Variants in FAM219A observed in about 807,000 individuals in gnomAD.
FAM219A encodes the protein family with sequence similarity 219 member A.
A neutral mutation model predicts 23.4 loss-of-function variants in FAM219A; 7 were observed. That is an observed-to-expected ratio of 0.30 (90% confidence interval 0.17 to 0.56). The LOEUF (loss-of-function observed/expected upper bound fraction) is 0.56. Ranked by LOEUF, FAM219A falls within the 20% of genes least tolerant of loss-of-function variation. The pLI, the probability that FAM219A is intolerant of heterozygous loss-of-function variation, is 0.92. For synonymous variants in FAM219A, 93 were observed against 99.0 expected (o/e 0.94, Z 0.36); for missense variants, 166 against 246.9 (o/e 0.67, Z 2.20).
chr9:34,428,554 G>C (rs909370830), intron 1 of FAM219A, among the ~76,000 whole-genome samples: 1 of 152,180 alleles, frequency 6.6e-6, no homozygotes, highest in African/African-American at 2.4e-5. Context: ...GCCCTCCCCT[G>C]AGTCCTGCAC....
At chr9:34,456,013 C>A (rs1034819315) in intron 1 of FAM219A, among the ~76,000 whole-genome samples, 1 of 152,008 alleles carries the variant, frequency 6.6e-6, no homozygotes, top group South Asian at 2.1e-4. Context: ...GCCAACATGG[C>A]GAAACCCTGT....
At chr9:34,414,480 TAACA>T (rs1177070984) in intron 1 of FAM219A, among the ~76,000 whole-genome samples, 3 of 152,258 alleles carry the variant, frequency 2.0e-5, no homozygotes, top group African/African-American at 7.2e-5. Context: ...TATACCTATG[TAACA>T]AACCTGCACG....
Position 34,425,577 on chromosome 9 carries a change from G to A in FAM219A, c.61-19613C>T, listed in dbSNP as rs148159253. Among the ~76,000 whole-genome samples the A allele has an allele frequency of 7.4e-3, 1,134 of 152,352 alleles. 4 individuals carry two copies. The highest frequency in any genetic ancestry group is 0.012 in the Non-Finnish European group (847 of 68,042). On this transcript the variant is annotated intron_variant, in intron 1 of 5. Coordinates refer to ENST00000651358, the MANE Select transcript of FAM219A (RefSeq NM_001184940.2). ...CAGTAATGTAGTCAGTAACCTGCAT[G>A]CCTCCACTGTGCTTGGAGAAGTTGA...
At chr9:34,452,959 T>A (rs1036454269) in intron 1 of FAM219A, among the ~76,000 whole-genome samples, 3 of 152,198 alleles carry the variant, frequency 2.0e-5, no homozygotes, top group Non-Finnish European at 4.4e-5. Flanking sequence ...AATTCTGTGC[T>A]ATTGAGCCCA....
intron 1 of FAM219A, among the ~76,000 whole-genome samples, chr9:34,430,422 G>C (rs1482768400): frequency 6.6e-6 from 1 of 151,768 alleles, no homozygotes; most frequent in Admixed American, 6.6e-5. Flanking sequence ...CGGATCACAA[G>C]GTCAGGAGAC....
intron 1 of FAM219A, among the ~76,000 whole-genome samples, chr9:34,439,681 G>A (rs182884576): frequency 2.0e-5 from 3 of 151,976 alleles, no homozygotes; most frequent in Non-Finnish European, 4.4e-5. Context: ...AACATTATGC[G>A]CAAAGGCCCT....
chr9:34,419,411 G>A (rs1822169794), intron 1 of FAM219A, among the ~76,000 whole-genome samples: 1 of 152,166 alleles, frequency 6.6e-6, no homozygotes, highest in South Asian at 2.1e-4. Context: ...CCAGAGGACA[G>A]GAAGATGGCA....
At chr9:34,418,200 TA>T (rs536041489) in intron 1 of FAM219A, among the ~76,000 whole-genome samples, 1,635 of 126,558 alleles carry the variant, frequency 0.013, 10 homozygotes, top group African/African-American at 0.026. Context: ...AGTGAGATGG[TA>T]AAAAAAAAAA....
chr9:34,420,125 C>T (rs1409926160), intron 1 of FAM219A, among the ~76,000 whole-genome samples: 1 of 152,128 alleles, frequency 6.6e-6, no homozygotes, highest in Non-Finnish European at 1.5e-5. Flanking sequence ...CTTTGATAAT[C>T]ACTGAACCCC....
chr9:34,431,796 G>GA (rs1192244056), intron 1 of FAM219A, among the ~76,000 whole-genome samples: 1 of 152,114 alleles, frequency 6.6e-6, no homozygotes, highest in Non-Finnish European at 1.5e-5. Flanking sequence ...AAAGAAAAAG[G>GA]AAAAAAATAA....
At chr9:34,408,015 A>G (rs1325312689) in intron 1 of FAM219A, among the ~76,000 whole-genome samples, 1 of 152,228 alleles carries the variant, frequency 6.6e-6, no homozygotes, top group Non-Finnish European at 1.5e-5. Flanking sequence ...CCTTCAGGCC[A>G]TCCAGAGCAC....
intron 1 of FAM219A, 142 bp from the exon 2 acceptor site, chr9:34,406,106 G>A (rs563447594): frequency 1.6e-3 from 1,527 of 949,948 alleles, no homozygotes; most frequent in Non-Finnish European, 2.1e-3. Context: ...CATTCAGGGA[G>A]AGAGGGGCAG....
intron 1 of FAM219A, among the ~76,000 whole-genome samples, chr9:34,424,872 G>A (rs1822400276): frequency 6.6e-6 from 1 of 152,076 alleles, no homozygotes; most frequent in African/African-American, 2.4e-5. Context: ...GCAATGGCAC[G>A]ACCTCAGGTC....
At chr9:34,423,872 C>T (rs1433883959) in intron 1 of FAM219A, among the ~76,000 whole-genome samples, 1 of 152,124 alleles carries the variant, frequency 6.6e-6, no homozygotes, top group Admixed American at 6.6e-5. Context: ...GGATGACTCC[C>T]AGGTTTCCTC....
At chr9:34,448,630 G>T (rs1331095103) in intron 1 of FAM219A, among the ~76,000 whole-genome samples, 1 of 152,166 alleles carries the variant, frequency 6.6e-6, no homozygotes, top group East Asian at 1.9e-4. Context: ...TCCCCTAATC[G>T]GGGAATCCAC....
intron 1 of FAM219A, among the ~76,000 whole-genome samples, chr9:34,430,524 C>A (rs988052223): frequency 3.3e-5 from 5 of 150,228 alleles, no homozygotes; most frequent in Non-Finnish European, 5.9e-5. Flanking sequence ...GTAGTCCCAG[C>A]TACTCAGGAG....
chr9:34,426,658 A>C (rs575234492), intron 1 of FAM219A, among the ~76,000 whole-genome samples: 1 of 152,382 alleles, frequency 6.6e-6, no homozygotes, highest in Admixed American at 6.5e-5. Flanking sequence ...AATCTGCCTC[A>C]GGAGGGATGG....
At chr9:34,437,885 G>A (rs1231449830) in intron 1 of FAM219A, among the ~76,000 whole-genome samples, 1 of 152,242 alleles carries the variant, frequency 6.6e-6, no homozygotes, top group African/African-American at 2.4e-5. Flanking sequence ...GGCTGGCCAA[G>A]GCCAGAGCCG....
rs185700858 is a variant in FAM219A at position 34,442,830 on chromosome 9, T to A, written c.60+15374A>T. ...GTATTTATGTTAAAGATAGTAATGG[T>A]GTGATAATGGTAGTTATGTAGAAAA... On this transcript the variant is annotated intron_variant, in intron 1 of 5. Coordinates refer to ENST00000651358, the MANE Select transcript of FAM219A (RefSeq NM_001184940.2). 3.2e-3 allele frequency among the ~76,000 whole-genome samples: 481 copies of A among 152,248 alleles called. 18 individuals are homozygous for A. The South Asian group carries it at 0.071, about 22-fold the overall frequency.
Sources: allele counts gnomAD v4.1 joint callset (sites outside exome capture counted in the v4.1 genomes callset), GRCh38; gene constraint gnomAD v4.1.1; transcripts MANE v1.5; gene names NCBI Gene and HGNC (gene_info 2026-07-23, HGNC 2026-07-21).